Variants in RAB3C observed in about 807,000 individuals in gnomAD.
RAB3C encodes the protein RAB3C, member RAS oncogene family, also known as ras-related protein Rab-3C.
Under a neutral mutation model 26.4 loss-of-function variants are expected in RAB3C, and 17 were observed. The observed-to-expected ratio is 0.64, with a 90% CI of 0.44 to 0.97. RAB3C has a LOEUF of 0.97. Among genes scored for constraint, RAB3C ranks in the 50% least tolerant of loss-of-function variants. The probability of loss-of-function intolerance (pLI) is 0.00; values close to 1 mark genes in which losing one functional copy is unlikely to be tolerated. For missense variants in RAB3C, 242 were observed against 281.9 expected (o/e 0.86, Z 1.01); for synonymous variants, 91 against 95.9 (o/e 0.95, Z 0.30).
intron 2 of RAB3C, among the ~76,000 whole-genome samples, chr5:58,620,989 A>G (rs1263662355): frequency 1.3e-5 from 2 of 152,172 alleles, no homozygotes; most frequent in Non-Finnish European, 2.9e-5. Flanking sequence ...AGTTGTAGGT[A>G]GTTATGATTG....
intron 4 of RAB3C, among the ~76,000 whole-genome samples, chr5:58,846,002 A>G (rs114273092): frequency 3.1e-3 from 472 of 151,812 alleles, no homozygotes; most frequent in Admixed American, 7.6e-3. Flanking sequence ...TTGGAATACT[A>G]TTTTCACTGT....
chr5:58,675,499 A>G (rs986876222), intron 2 of RAB3C, among the ~76,000 whole-genome samples: 2 of 151,818 alleles, frequency 1.3e-5, no homozygotes, highest in Non-Finnish European at 2.9e-5. Context: ...CCATTGCTTC[A>G]TTTCCACACA....
chr5:58,751,629 A>C (rs1021203494), intron 3 of RAB3C, among the ~76,000 whole-genome samples: 4 of 152,354 alleles, frequency 2.6e-5, no homozygotes, highest in Admixed American at 1.3e-4. Context: ...TCATATGGCT[A>C]AAGTCCATTT....
At chr5:58,637,025 A>G (rs1747303810) in intron 2 of RAB3C, among the ~76,000 whole-genome samples, 1 of 152,006 alleles carries the variant, frequency 6.6e-6, no homozygotes, top group Non-Finnish European at 1.5e-5. Flanking sequence ...TAAATTCACA[A>G]TTAGTGGAAA....
rs1054886769 is a variant in RAB3C at position 58,815,749 on chromosome 5, T to G, written c.372-9289T>G. On this transcript the variant is annotated intron_variant, in intron 3 of 4. Coordinates refer to ENST00000282878, the MANE Select transcript of RAB3C (RefSeq NM_138453.4). ...GTTTGAGTACCTTCTATGTGCCATATATTTTGCTGAATTCTGGAGACTTAA... is the reference window on the plus strand; with the variant it reads ...GTTTGAGTACCTTCTATGTGCCATAGATTTTGCTGAATTCTGGAGACTTAA... The G allele has an allele frequency of 2.0e-5, 3 of 152,208 alleles. No homozygotes were observed. In the East Asian group the frequency reaches 5.8e-4, roughly 29 times the overall value. 9.4% of individuals were successfully genotyped at this position (152,208 alleles called of 1,614,324 possible).
intron 2 of RAB3C, among the ~76,000 whole-genome samples, chr5:58,662,171 G>A (rs1747917675): frequency 6.7e-6 from 1 of 149,882 alleles, no homozygotes; most frequent in Admixed American, 6.6e-5. Flanking sequence ...AGGATATTGT[G>A]CCCTTTTCTT....
At position 58,801,712 on chromosome 5, in the gene RAB3C, T is replaced by C. The variant is rs1032140591; in HGVS notation, c.372-23326T>C. ...AAGCCAACAGATTATGAGACCCTCATTGGTTTGCTTGAAGCAGAGCTCTTG... is the reference window on the plus strand; with the variant it reads ...AAGCCAACAGATTATGAGACCCTCACTGGTTTGCTTGAAGCAGAGCTCTTG... On this transcript the variant is annotated intron_variant, in intron 3 of 4. Coordinates refer to ENST00000282878, the MANE Select transcript of RAB3C (RefSeq NM_138453.4). Among the ~76,000 whole-genome samples, 57 of 152,396 alleles carry C rather than the reference T, an allele frequency of 3.7e-4. 1 individual carries two copies. Among genetic ancestry groups the C allele is most frequent in the African/African-American group, 1.3e-3 (54 of 41,600 alleles).
intron 3 of RAB3C, among the ~76,000 whole-genome samples, chr5:58,766,369 GC>G (rs1276333320): frequency 3.9e-5 from 6 of 152,006 alleles, no homozygotes; most frequent in African/African-American, 1.2e-4. Flanking sequence ...ACCCACCTCG[GC>G]CCCCCAAAGT....
chr5:58,802,418 A>G (rs1742831679), intron 3 of RAB3C, among the ~76,000 whole-genome samples: 1 of 152,220 alleles, frequency 6.6e-6, no homozygotes, highest in Non-Finnish European at 1.5e-5. Context: ...CCCAAAGGAC[A>G]GAGAAATCAT....
rs189705811 is a variant in RAB3C, at chr5:58,601,500, T to A, written c.25-16143T>A. ...GGACTTTTTTATGTTGGTAATTTTT[T>A]AATTACCATTTCAATCTCACTGCTT... On this transcript the variant is annotated intron_variant, in intron 1 of 4. Coordinates refer to ENST00000282878, the MANE Select transcript of RAB3C (RefSeq NM_138453.4). Among the ~76,000 whole-genome samples, 568 of 152,306 alleles carry A rather than the reference T, an allele frequency of 3.7e-3. 3 individuals carry two copies. Among genetic ancestry groups the A allele is most frequent in the African/African-American group, 0.013 (529 of 41,580 alleles).
At chr5:58,705,212 A>G (rs527429135) in intron 2 of RAB3C, among the ~76,000 whole-genome samples, 4 of 152,162 alleles carry the variant, frequency 2.6e-5, no homozygotes, top group Non-Finnish European at 5.9e-5. Flanking sequence ...TTTAGAATAA[A>G]CAACTAGTAG....
intron 2 of RAB3C, among the ~76,000 whole-genome samples, chr5:58,627,433 C>T (rs1170419628): frequency 1.2e-5 from 1 of 80,134 alleles, no homozygotes; most frequent in Non-Finnish European, 2.4e-5. Flanking sequence ...CCACTGCAGT[C>T]CGCAGTCCGG....
chr5:58,589,109 G>T (rs1746074774), intron 1 of RAB3C, among the ~76,000 whole-genome samples: 2 of 152,024 alleles, frequency 1.3e-5, no homozygotes, highest in Non-Finnish European at 2.9e-5. Flanking sequence ...TGATTTCTCG[G>T]TTGATGAGAA....
intron 4 of RAB3C, among the ~76,000 whole-genome samples, chr5:58,846,639 A>G (rs941649761): frequency 6.6e-5 from 10 of 152,082 alleles, no homozygotes; most frequent in African/African-American, 2.4e-4. Context: ...GTGGCCTCCC[A>G]AAGTGCTGGG....
At chr5:58,820,277 A>G (rs187361681) in intron 3 of RAB3C, among the ~76,000 whole-genome samples, 2 of 152,196 alleles carry the variant, frequency 1.3e-5, no homozygotes, top group African/African-American at 4.8e-5. Flanking sequence ...AGAAGCTGAC[A>G]TAATTTAATT....
rs565137405 is a variant in RAB3C, at chr5:58,782,627, T to C, written c.372-42411T>C. ...TCAGCCGAAACATGAAAATTAAGCA[T>C]TTTTTTCTGCTCAGAAATAATTTCA... On this transcript the variant is annotated intron_variant, in intron 3 of 4. Transcript: ENST00000282878. 2.6e-5 allele frequency among the ~76,000 whole-genome samples: 4 copies of C among 152,182 alleles called. No individual in the cohort carries two copies. The East Asian group carries it at 5.8e-4, about 22-fold the overall frequency.
chr5:58,685,431 T>G (rs1410271160), intron 2 of RAB3C, among the ~76,000 whole-genome samples: 2 of 152,142 alleles, frequency 1.3e-5, no homozygotes, highest in Non-Finnish European at 2.9e-5. Context: ...TGTCGCCCAC[T>G]TAAAAAGACT....
chr5:58,792,430 C>T (rs141819739), intron 3 of RAB3C, among the ~76,000 whole-genome samples: 5 of 152,194 alleles, frequency 3.3e-5, no homozygotes, highest in South Asian at 2.1e-4. Flanking sequence ...AAGAAGGAAC[C>T]AAGTGCACGG....
chr5:58,811,617 A>G (rs1743093238), intron 3 of RAB3C, among the ~76,000 whole-genome samples: 1 of 152,222 alleles, frequency 6.6e-6, no homozygotes, highest in South Asian at 2.1e-4. Flanking sequence ...ACCTTCCTGC[A>G]TATCATTTTC....
Sources: allele counts gnomAD v4.1 joint callset (sites outside exome capture counted in the v4.1 genomes callset), GRCh38; gene constraint gnomAD v4.1.1; transcripts MANE v1.5; gene names NCBI Gene and HGNC (gene_info 2026-07-23, HGNC 2026-07-21).